The following PRKG1 variants were observed in gnomAD, a reference collection of about 807,000 sequenced individuals.
The protein encoded by PRKG1 is cGMP-dependent protein kinase 1.
In PRKG1, 35 loss-of-function variants were observed where a neutral mutation model predicts 88.1. The ratio of observed to expected loss-of-function variants is 0.40; its 90% confidence interval spans 0.30 to 0.53. The LOEUF (loss-of-function observed/expected upper bound fraction) is 0.53, where lower values mean the gene tolerates loss of function less well. Among genes scored for constraint, PRKG1 ranks in the 20% least tolerant of loss-of-function variants. The pLI, the probability that PRKG1 is intolerant of heterozygous loss-of-function variation, is 0.59. For missense variants in PRKG1, 540 were observed against 839.8 expected, an observed-to-expected ratio of 0.64 and a Z score of 4.41; for synonymous variants, 303 against 292.5, an observed-to-expected ratio of 1.04 and a Z score of -0.37.
chr10:52,152,491 A>G (rs1447404334), intron 8 of PRKG1, among the ~76,000 whole-genome samples: 2 of 152,124 alleles, frequency 1.3e-5, no homozygotes, highest in Non-Finnish European at 2.9e-5. Context: ...TCAGTCCTGT[A>G]TAAAGAGGAA....
chr10:52,074,376 G>C (rs1184052347), intron 7 of PRKG1, among the ~76,000 whole-genome samples: 1 of 152,030 alleles, frequency 6.6e-6, no homozygotes, highest in East Asian at 1.9e-4. Flanking sequence ...TCCATAAAAT[G>C]GTTTATTTAT....
At chr10:51,064,058 C>CATTTAAATCTCAATCAGAAACTA (rs1457450756) in intron 1 of PRKG1, among the ~76,000 whole-genome samples, 2 of 151,988 alleles carry the variant, frequency 1.3e-5, no homozygotes, top group African/African-American at 4.8e-5. Flanking sequence ...AAAAATGAAA[C>CATTTAAATCTCAATCAGAAACTA]ATTTAAATCT....
At chr10:51,369,535 A>G (rs1172686936) in intron 2 of PRKG1, among the ~76,000 whole-genome samples, 3 of 152,048 alleles carry the variant, frequency 2.0e-5, no homozygotes, top group Non-Finnish European at 4.4e-5. Context: ...AACACCATCA[A>G]TTTAGAAGAT....
At chr10:51,560,007 C>T (rs16919643) in intron 3 of PRKG1, among the ~76,000 whole-genome samples, 17,002 of 152,078 alleles carry the variant, frequency 0.11, 968 homozygotes, top group South Asian at 0.18. Context: ...GCAACAGTGA[C>T]GTACTTTGAC....
chr10:52,098,440 T>C (rs1245655553), intron 7 of PRKG1, among the ~76,000 whole-genome samples: 1 of 152,198 alleles, frequency 6.6e-6, no homozygotes, highest in African/African-American at 2.4e-5. Flanking sequence ...ATTTCTCTAA[T>C]GTATATTAAG....
chr10:51,955,365 A>G (rs1843279495), intron 5 of PRKG1, among the ~76,000 whole-genome samples: 1 of 152,132 alleles, frequency 6.6e-6, no homozygotes, highest in Non-Finnish European at 1.5e-5. Context: ...AAGACCCATT[A>G]TTTCATAGGT....
intron 1 of PRKG1, among the ~76,000 whole-genome samples, chr10:51,144,557 T>C (rs80297451): frequency 0.024 from 3,681 of 152,232 alleles, 75 homozygotes; most frequent in Admixed American, 0.041. Flanking sequence ...TTATTGTCAG[T>C]ATTGGGTTAA....
At chr10:52,040,103 T>G (rs1462689155) in intron 5 of PRKG1, among the ~76,000 whole-genome samples, 1 of 152,154 alleles carries the variant, frequency 6.6e-6, no homozygotes, top group Non-Finnish European at 1.5e-5. Context: ...CCCTTTAAAC[T>G]CAATAGTGCC....
intron 1 of PRKG1, among the ~76,000 whole-genome samples, chr10:51,112,044 GT>G (rs1434976871): frequency 6.6e-6 from 1 of 152,098 alleles, no homozygotes; most frequent in African/African-American, 2.4e-5. Flanking sequence ...GGCGTGTAAG[GT>G]AGGAAATAGG....
In PRKG1 at chr10:51,481,470, A is replaced by G. The variant is rs370386540; in HGVS notation, c.592+13634A>G. 5.3e-5 allele frequency among the ~76,000 whole-genome samples: 8 copies of G among 152,226 alleles called. No individual in the cohort carries two copies. In the South Asian group the frequency reaches 1.7e-3, roughly 32 times the overall value. ...CGCCATGTTGGCCAGGCTAATCTCT[A>G]ACCCATGGCCTCAGATGATCCGCCC... On this transcript the variant is annotated intron_variant, in intron 3 of 17. Transcript: ENST00000373980.
chr10:52,276,002 T>C (rs1287118039), intron 12 of PRKG1, among the ~76,000 whole-genome samples: 2 of 152,162 alleles, frequency 1.3e-5, no homozygotes, highest in Admixed American at 6.6e-5. Flanking sequence ...CATTGGTGTA[T>C]AGAAGAGCTA....
At chr10:52,100,547 G>A (rs1847272681) in intron 7 of PRKG1, among the ~76,000 whole-genome samples, 1 of 152,194 alleles carries the variant, frequency 6.6e-6, no homozygotes, top group Non-Finnish European at 1.5e-5. Flanking sequence ...CAGCTAAGAT[G>A]AGCCCAGCCC....
intron 1 of PRKG1, among the ~76,000 whole-genome samples, chr10:51,137,595 G>A (rs905124511): frequency 6.6e-6 from 1 of 152,120 alleles, no homozygotes; most frequent in African/African-American, 2.4e-5. Context: ...TGAAAGTCAT[G>A]TCAAATAAAT....
chr10:52,209,316 T>C (rs776637541), intron 9 of PRKG1, among the ~76,000 whole-genome samples: 4 of 152,226 alleles, frequency 2.6e-5, no homozygotes, highest in Non-Finnish European at 5.9e-5. Flanking sequence ...GAATTACATA[T>C]AATTTTCATG....
chr10:51,859,926 T>C (rs1449977425), intron 4 of PRKG1, among the ~76,000 whole-genome samples: 1 of 152,222 alleles, frequency 6.6e-6, no homozygotes, highest in Non-Finnish European at 1.5e-5. Flanking sequence ...TTGTGGGCCC[T>C]ATTAGCCACT....
intron 5 of PRKG1, among the ~76,000 whole-genome samples, chr10:51,988,301 A>G (rs1298726776): frequency 6.6e-6 from 1 of 152,080 alleles, no homozygotes; most frequent in Non-Finnish European, 1.5e-5. Flanking sequence ...GTTTAACTTG[A>G]TGCAACACAT....
At chr10:51,523,655 C>G (rs1159258436) in intron 3 of PRKG1, among the ~76,000 whole-genome samples, 1 of 152,160 alleles carries the variant, frequency 6.6e-6, no homozygotes, top group East Asian at 1.9e-4. Context: ...CTCTGTCTCT[C>G]TTAAGATTAT....
chr10:52,083,076 G>T lies in PRKG1; in HGVS notation c.935+20445G>T, dbSNP rs143589991. ...GGAAGAAAAGATTGGCCAGAAATTC[G>T]TCATTTTTGAAACTGAATGACAGGC... On this transcript the variant is annotated intron_variant, in intron 7 of 17. Transcript: ENST00000373980. Among the ~76,000 whole-genome samples the T allele has an allele frequency of 2.9e-3, 442 of 152,060 alleles. 2 individuals are homozygous for T. The highest frequency in any genetic ancestry group is 0.01 in the African/African-American group (417 of 41,484).
chr10:51,815,764 C>T (rs1034401038), intron 4 of PRKG1, among the ~76,000 whole-genome samples: 1 of 152,248 alleles, frequency 6.6e-6, no homozygotes, highest in East Asian at 1.9e-4. Context: ...GAACTCTTAA[C>T]GGACAGCTTA....
Sources: allele counts gnomAD v4.1 joint callset (sites outside exome capture counted in the v4.1 genomes callset), GRCh38; gene constraint gnomAD v4.1.1; transcripts MANE v1.5; gene names NCBI Gene and HGNC (gene_info 2026-07-23, HGNC 2026-07-21).